ASAP1: variants seen among roughly 807,000 people sequenced by gnomAD.
ASAP1 encodes the protein ArfGAP with SH3 domain, ankyrin repeat and PH domain 1, also known as arf-GAP with SH3 domain, ANK repeat and PH domain-containing protein 1.
Under a neutral mutation model 145.2 loss-of-function variants are expected in ASAP1, and 43 were observed. That is an observed-to-expected ratio of 0.30 (90% confidence interval 0.23 to 0.38). The LOEUF is 0.38. Among genes scored for constraint, ASAP1 ranks in the 10% least tolerant of loss-of-function variants. The probability of loss-of-function intolerance (pLI) is 1.00; values close to 1 mark genes in which losing one functional copy is unlikely to be tolerated. For missense variants in ASAP1, 1,018 were observed against 1,355.3 expected, an observed-to-expected ratio of 0.75 and a Z score of 3.91; for synonymous variants, 546 against 515.5, an observed-to-expected ratio of 1.06 and a Z score of -0.80.
intron 3 of ASAP1, among the ~76,000 whole-genome samples, chr8:130,336,906 T>C (rs1447515365): frequency 1.3e-5 from 2 of 152,164 alleles, no homozygotes; most frequent in Admixed American, 1.3e-4. Flanking sequence ...TCATAAACTA[T>C]AAATTTATGA....
intron 15 of ASAP1, 50 bp downstream of exon 15, chr8:130,134,246 A>G: frequency 7.3e-7 from 1 of 1,379,040 alleles, no homozygotes; most frequent in East Asian, 2.4e-5. Flanking sequence ...GTAAACAGAG[A>G]GGTGCTTTTT....
intron 12 of ASAP1, 81 bp from the exon 13 acceptor site, chr8:130,152,886 A>G (rs2097649548): frequency 9.2e-7 from 1 of 1,086,288 alleles, no homozygotes; most frequent in Admixed American, 2.6e-5. Context: ...ATACATAATA[A>G]TAATTACAAA....
intron 25 of ASAP1, among the ~76,000 whole-genome samples, chr8:130,090,532 A>AC (rs901253294): frequency 1.3e-5 from 2 of 151,942 alleles, no homozygotes; most frequent in Admixed American, 1.3e-4. Flanking sequence ...TTAACACCAA[A>AC]CTCCAATGTC....
intron 1 of ASAP1, among the ~76,000 whole-genome samples, chr8:130,408,990 G>A (rs1008970771): frequency 6.6e-6 from 1 of 152,018 alleles, no homozygotes; most frequent in Non-Finnish European, 1.5e-5. Flanking sequence ...GGCTGGATGT[G>A]GTGGCTCATG....
intron 14 of ASAP1, among the ~76,000 whole-genome samples, chr8:130,135,303 C>A (rs1445208368): frequency 6.6e-6 from 1 of 152,102 alleles, no homozygotes; most frequent in Non-Finnish European, 1.5e-5. Flanking sequence ...CCAGCTTCAG[C>A]AACAGAGACC....
intron 25 of ASAP1, among the ~76,000 whole-genome samples, chr8:130,086,015 G>T (rs561707805): frequency 3.9e-5 from 6 of 152,308 alleles, no homozygotes; most frequent in African/African-American, 1.4e-4. Flanking sequence ...TGCATACCAG[G>T]GTGCCATGCT....
chr8:130,102,712 G>T (rs1157004074), intron 24 of ASAP1, among the ~76,000 whole-genome samples: 1 of 152,102 alleles, frequency 6.6e-6, no homozygotes, highest in Non-Finnish European at 1.5e-5. Context: ...TTGAGACAGG[G>T]TCTTGCTCTG....
intron 11 of ASAP1, among the ~76,000 whole-genome samples, chr8:130,164,418 C>T (rs1380478771): frequency 2.6e-5 from 4 of 152,056 alleles, no homozygotes; most frequent in Non-Finnish European, 5.9e-5. Flanking sequence ...GGTGAAACCC[C>T]GGTCTCTACT....
In ASAP1 at chr8:130,054,646, A is replaced by G; in HGVS notation, c.*85T>C. The G allele has an allele frequency of 1.8e-6, 2 of 1,133,520 alleles. No homozygotes were observed. The highest frequency in any genetic ancestry group is 2.7e-6 in the Non-Finnish European group (2 of 748,688). The allele number at this position is 1,133,520 out of a possible 1,614,324, so 70.2% of individuals were successfully genotyped here. The stretch of plus-strand genomic sequence containing the variant: ...CATGAGTTTCTTACTCTGTAACAGC[A>G]GCTATATACACACTGTGCCCAGGGT... On this transcript the variant is annotated 3_prime_UTR_variant, in exon 30 of 30. Transcript: ENST00000518721.
chr8:130,058,058 G>A lies in ASAP1; in HGVS notation c.3211C>T (p.Arg1071Ter). 6.2e-7 allele frequency: 1 copy of A among 1,613,614 alleles called. No homozygotes were observed. The highest frequency in any genetic ancestry group is 1.1e-5 in the South Asian group (1 of 91,070). The change falls in exon 29 of 30, where the codon CGA (arginine) becomes TGA (stop). Residue 1071 changes from arginine (R) to a stop codon, truncating the protein, a stop_gained. Transcript: ENST00000518721. LOFTEE classifies it high-confidence loss of function. ...KINTGKNKVRRVKTIYDCQAD... is the reference protein window; with the variant it reads ...KINTGKNKVR Reference sequence around the variant, plus strand: ...TGGCAGTCATAAATGGTCTTCACTCGCCTCACTTTATTTTTCCCCTTAAAG... The same window carrying A: ...TGGCAGTCATAAATGGTCTTCACTCACCTCACTTTATTTTTCCCCTTAAAG...
intron 3 of ASAP1, among the ~76,000 whole-genome samples, chr8:130,339,137 CTT>C (rs1482321881): frequency 1.3e-4 from 20 of 152,318 alleles, no homozygotes; most frequent in Admixed American, 7.8e-4. Flanking sequence ...TTTAAAAGGT[CTT>C]TGTCATGGCA....
At chr8:130,286,386 TCA>T (rs76069473) in intron 3 of ASAP1, among the ~76,000 whole-genome samples, 27,712 of 152,126 alleles carry the variant, frequency 0.18, 3,210 homozygotes, top group East Asian at 0.44. Context: ...CTACTTCCAT[TCA>T]CAGTTTAAGT....
chr8:130,399,036 G>A (rs1224028016), intron 2 of ASAP1, among the ~76,000 whole-genome samples: 7 of 152,152 alleles, frequency 4.6e-5, no homozygotes, highest in Non-Finnish European at 1.0e-4. Context: ...ACTAAATTCT[G>A]GCCAGTAGAA....
chr8:130,331,970 A>C (rs935149558), intron 3 of ASAP1, among the ~76,000 whole-genome samples: 3 of 152,200 alleles, frequency 2.0e-5, no homozygotes, highest in African/African-American at 7.2e-5. Flanking sequence ...CTTTCTCAGA[A>C]CCACTAAATC....
chr8:130,369,890 C>T (rs919496305), intron 2 of ASAP1, among the ~76,000 whole-genome samples: 2 of 152,200 alleles, frequency 1.3e-5, no homozygotes, highest in Admixed American at 6.5e-5. Flanking sequence ...GCATGTGTCC[C>T]ACCCAAATTC....
At chr8:130,412,829 G>A (rs1304623449) in intron 1 of ASAP1, among the ~76,000 whole-genome samples, 2 of 151,904 alleles carry the variant, frequency 1.3e-5, no homozygotes, top group African/African-American at 4.8e-5. Flanking sequence ...TTTTTTAATA[G>A]AGATGAGGTT....
chr8:130,288,822 C>T (rs1330492810), intron 3 of ASAP1, among the ~76,000 whole-genome samples: 1 of 152,180 alleles, frequency 6.6e-6, no homozygotes, highest in Non-Finnish European at 1.5e-5. Context: ...ATAACAATGT[C>T]CAATGATGGG....
At chr8:130,067,649 C>A (rs1313250386) in intron 27 of ASAP1, among the ~76,000 whole-genome samples, 1 of 152,222 alleles carries the variant, frequency 6.6e-6, no homozygotes, top group Non-Finnish European at 1.5e-5. Flanking sequence ...GATCCTCCAG[C>A]TTGGGCCTCC....
At chr8:130,220,641 A>G (rs1817236345) in intron 4 of ASAP1, among the ~76,000 whole-genome samples, 1 of 152,160 alleles carries the variant, frequency 6.6e-6, no homozygotes, top group Non-Finnish European at 1.5e-5. Context: ...GTTTGAGACC[A>G]GCGTGGGCAA....
Sources: gnomAD v4.1 joint callset for allele counts (sites outside exome capture counted in the v4.1 genomes callset) on GRCh38, gnomAD v4.1.1 for gene constraint, MANE v1.5 for transcripts, NCBI Gene and HGNC (gene_info 2026-07-23, HGNC 2026-07-21) for gene names.